The following SLC24A3 variants were observed in gnomAD, a reference collection of about 807,000 sequenced individuals.
The protein encoded by SLC24A3 is sodium/potassium/calcium exchanger 3.
Under a neutral mutation model 75.8 loss-of-function variants are expected in SLC24A3, and 28 were observed. The observed-to-expected ratio is 0.37, with a 90% CI of 0.27 to 0.51. The LOEUF (loss-of-function observed/expected upper bound fraction) is 0.51. SLC24A3 is among the 20% of genes least tolerant of loss of function. The pLI, the probability that SLC24A3 is intolerant of heterozygous loss-of-function variation, is 0.94. For synonymous variants in SLC24A3, 372 were observed against 334.1 expected (o/e 1.11, Z -1.24); for missense variants, 663 against 847.8 (o/e 0.78, Z 2.71).
chr20:19,701,763 CT>C (rs1323079494), intron 15 of SLC24A3, among the ~76,000 whole-genome samples: 3 of 152,084 alleles, frequency 2.0e-5, no homozygotes, highest in Non-Finnish European at 4.4e-5. Context: ...TGAATTTTAA[CT>C]GCTTTTTGTC....
intron 3 of SLC24A3, among the ~76,000 whole-genome samples, chr20:19,569,635 G>A (rs1281391246): frequency 6.6e-6 from 1 of 152,150 alleles, no homozygotes; most frequent in African/African-American, 2.4e-5. Context: ...GACAGGAGAG[G>A]GGAGGGCAGG....
chr20:19,244,884 A>G (rs1982442706), intron 1 of SLC24A3, among the ~76,000 whole-genome samples: 2 of 152,222 alleles, frequency 1.3e-5, no homozygotes, highest in Admixed American at 1.3e-4. Flanking sequence ...CCCAAGGAGC[A>G]TGTTGTCACT....
At chr20:19,358,600 T>C (rs924959104) in intron 2 of SLC24A3, among the ~76,000 whole-genome samples, 2 of 152,214 alleles carry the variant, frequency 1.3e-5, no homozygotes, top group Non-Finnish European at 2.9e-5. Context: ...CACAGACTTA[T>C]ATCTTCCTTT....
intron 2 of SLC24A3, among the ~76,000 whole-genome samples, chr20:19,488,509 A>G (rs1456182686): frequency 6.6e-6 from 1 of 152,202 alleles, no homozygotes; most frequent in Non-Finnish European, 1.5e-5. Flanking sequence ...AGCTCCATCC[A>G]GCCTAACAAC....
At chr20:19,560,276 C>G (rs947702955) in intron 3 of SLC24A3, among the ~76,000 whole-genome samples, 1 of 152,202 alleles carries the variant, frequency 6.6e-6, no homozygotes. Flanking sequence ...GACCACAACT[C>G]AAAATCGTCC....
intron 3 of SLC24A3, among the ~76,000 whole-genome samples, chr20:19,573,442 G>T (rs956784500): frequency 6.6e-6 from 1 of 152,144 alleles, no homozygotes; most frequent in Admixed American, 6.5e-5. Context: ...TCTTCTCCTT[G>T]CACTACCTCT....
intron 11 of SLC24A3, 70 bp downstream of exon 11, chr20:19,684,406 C>A: frequency 6.6e-7 from 1 of 1,504,418 alleles, no homozygotes; most frequent in Non-Finnish European, 9.0e-7. Context: ...GAGAAGGTTT[C>A]TTGTTTGAAA....
chr20:19,657,596 C>G (rs1216410679), intron 7 of SLC24A3, among the ~76,000 whole-genome samples: 2 of 152,238 alleles, frequency 1.3e-5, no homozygotes, highest in African/African-American at 4.8e-5. Context: ...TATTGCTAGT[C>G]TGAGTAGACT....
chr20:19,259,109 C>A (rs1982906159), intron 1 of SLC24A3, among the ~76,000 whole-genome samples: 1 of 152,218 alleles, frequency 6.6e-6, no homozygotes, highest in Non-Finnish European at 1.5e-5. Context: ...CAAGTTATTT[C>A]ATGGATCTCC....
intron 2 of SLC24A3, among the ~76,000 whole-genome samples, chr20:19,408,493 G>A (rs1054699819): frequency 2.6e-5 from 4 of 151,568 alleles, no homozygotes; most frequent in Non-Finnish European, 2.9e-5. Context: ...AGGTTCAAGC[G>A]ATTCTCCTGC....
At position 19,344,619 on chromosome 20, in the gene SLC24A3, G is replaced by A. The variant is rs904933744; in HGVS notation, c.271+63532G>A. 3.3e-5 allele frequency among the ~76,000 whole-genome samples: 5 copies of A among 152,210 alleles called. No homozygotes were observed. In the South Asian group the frequency reaches 6.2e-4, roughly 19 times the overall value. On this transcript the variant is annotated intron_variant, in intron 2 of 16. Transcript: ENST00000328041. ...TGGCTTGGGAGGCGGGGAGGACTGGGACACTGCAGACAGTATACCACAGGC... is the reference window on the plus strand; with the variant it reads ...TGGCTTGGGAGGCGGGGAGGACTGGAACACTGCAGACAGTATACCACAGGC...
intron 2 of SLC24A3, among the ~76,000 whole-genome samples, chr20:19,472,604 C>G (rs75389819): frequency 6.6e-6 from 1 of 152,208 alleles, no homozygotes; most frequent in Non-Finnish European, 1.5e-5. Context: ...GGGTCATACC[C>G]GTTTCCTTCA....
chr20:19,448,165 A>G (rs1168976797), intron 2 of SLC24A3, among the ~76,000 whole-genome samples: 1 of 152,220 alleles, frequency 6.6e-6, no homozygotes, highest in African/African-American at 2.4e-5. Context: ...ACATGCCAGG[A>G]TGGCTAGACC....
intron 6 of SLC24A3, among the ~76,000 whole-genome samples, chr20:19,606,844 C>G: frequency 6.6e-6 from 1 of 152,308 alleles, no homozygotes; most frequent in African/African-American, 2.4e-5. Context: ...CAGTGAAGAA[C>G]TATCAAACTA....
In SLC24A3 at chr20:19,420,144, C is replaced by T. The variant is rs1191531528; in HGVS notation, c.272-95344C>T. 1.4e-4 allele frequency among the ~76,000 whole-genome samples: 6 copies of T among 41,592 alleles called. No homozygotes were observed. In the East Asian group the frequency reaches 2.0e-3, roughly 14 times the overall value. The allele number at this position is 41,592 out of a possible 152,430, so 27.3% of individuals were successfully genotyped here. The stretch of plus-strand genomic sequence containing the variant: ...GTTTCCAATTTCATCCATGTCCCTA[C>T]AAAGGACATGAACTCATCATTTTTT... On this transcript the variant is annotated intron_variant, in intron 2 of 16. Coordinates refer to ENST00000328041, the MANE Select transcript of SLC24A3 (RefSeq NM_020689.4).
intron 6 of SLC24A3, among the ~76,000 whole-genome samples, chr20:19,601,008 A>C (rs1036626452): frequency 1.3e-5 from 2 of 152,120 alleles, no homozygotes; most frequent in African/African-American, 4.8e-5. Context: ...CCCACATTCA[A>C]ATCTTGGCCT....
intron 8 of SLC24A3, among the ~76,000 whole-genome samples, chr20:19,670,174 C>G (rs1322762931): frequency 6.6e-6 from 1 of 151,270 alleles, no homozygotes; most frequent in Non-Finnish European, 1.5e-5. Context: ...ACTGTGGGAC[C>G]ACATGGAGAG....
chr20:19,378,816 C>T (rs922868273), intron 2 of SLC24A3, among the ~76,000 whole-genome samples: 11 of 151,064 alleles, frequency 7.3e-5, no homozygotes, highest in African/African-American at 2.2e-4. Flanking sequence ...TGGGGAAAAG[C>T]AATCAATAGC....
rs752588294 is a variant in SLC24A3, at chr20:19,212,927, T to G, written c.85T>G (p.Phe29Val). 3.7e-6 allele frequency: 5 copies of G among 1,350,812 alleles called. No individual in the cohort carries two copies. Among genetic ancestry groups the G allele is most frequent in the Non-Finnish European group, 4.8e-6 (5 of 1,048,656 alleles). 83.7% of individuals were successfully genotyped at this position (1,350,812 alleles called of 1,614,324 possible). The change falls in exon 1 of 17, where the codon TTC becomes GTC. Residue 29 changes from phenylalanine to valine, a missense_variant. Around this residue, in one of 2 missense-constraint regions of SLC24A3, gnomAD observed 153 missense variants for 144.2 expected, o/e 1.06. Transcript: ENST00000328041. ...RRDLLLSQLCFLASVALLLWS... is the reference protein window; with the variant it reads ...RRDLLLSQLCVLASVALLLWS... ...GGACCTTCTGCTGAGCCAGCTCTGC[T>G]TCCTGGCCTCGGTGGCGCTGCTGCT...
Sources: gnomAD v4.1 joint callset for allele counts (sites outside exome capture counted in the v4.1 genomes callset) on GRCh38, gnomAD v4.1.1 for gene constraint, gnomAD v4.1.1 regional missense constraint, MANE v1.5 for transcripts, NCBI Gene and HGNC (gene_info 2026-07-23, HGNC 2026-07-21) for gene names.